Variants in ZNF827 observed in about 807,000 individuals in gnomAD.
The protein encoded by ZNF827 is zinc finger protein 827.
A neutral mutation model predicts 102.4 loss-of-function variants in ZNF827; 13 were observed. The observed-to-expected ratio is 0.13, with a 90% CI of 0.08 to 0.20. The LOEUF (loss-of-function observed/expected upper bound fraction) is 0.20. Ranked by LOEUF, ZNF827 falls within the 10% of genes least tolerant of loss-of-function variation. The probability of loss-of-function intolerance (pLI) is 1.00; values close to 1 mark genes in which losing one functional copy is unlikely to be tolerated. For synonymous variants in ZNF827, 523 were observed against 536.2 expected (o/e 0.98, Z 0.34); for missense variants, 1,103 against 1,344.4 (o/e 0.82, Z 2.81).
chr4:145,904,706 G>A (rs1198265386), intron 1 of ZNF827, among the ~76,000 whole-genome samples: 2 of 152,190 alleles, frequency 1.3e-5, no homozygotes, highest in Admixed American at 6.5e-5. Context: ...GTATGAGAGT[G>A]TGTATGCACG....
intron 4 of ZNF827, among the ~76,000 whole-genome samples, chr4:145,877,809 TAACA>T (rs1749273138): frequency 6.6e-6 from 1 of 152,148 alleles, no homozygotes; most frequent in African/African-American, 2.4e-5. Flanking sequence ...GTAACCCACT[TAACA>T]GACAGGATAT....
At chr4:145,926,950 TA>T (rs1753472243) in intron 1 of ZNF827, among the ~76,000 whole-genome samples, 1 of 151,968 alleles carries the variant, frequency 6.6e-6, no homozygotes, top group East Asian at 1.9e-4. Context: ...TCTCTTTCTA[TA>T]AATGTCACAA....
At chr4:145,860,419 C>A (rs1747584913) in intron 5 of ZNF827, among the ~76,000 whole-genome samples, 1 of 152,060 alleles carries the variant, frequency 6.6e-6, no homozygotes, top group Admixed American at 6.5e-5. Flanking sequence ...ATGTTTAGGG[C>A]AAGGGTGGGT....
At chr4:145,903,535 A>G (rs888735897) in intron 1 of ZNF827, among the ~76,000 whole-genome samples, 7 of 152,214 alleles carry the variant, frequency 4.6e-5, no homozygotes, top group Non-Finnish European at 2.9e-5. Flanking sequence ...GGGGAAATGG[A>G]AAGAAGCCTA....
intron 5 of ZNF827, among the ~76,000 whole-genome samples, chr4:145,860,156 T>C (rs1455724437): frequency 1.3e-5 from 2 of 152,182 alleles, no homozygotes; most frequent in Non-Finnish European, 2.9e-5. Context: ...TTACCAATAT[T>C]TGAATGTGCA....
intron 5 of ZNF827, among the ~76,000 whole-genome samples, chr4:145,863,663 T>C (rs1401442979): frequency 6.6e-6 from 1 of 150,512 alleles, no homozygotes; most frequent in Non-Finnish European, 1.5e-5. Context: ...ATTTCATTCA[T>C]ATGAAACGTC....
At chr4:145,921,404 C>G (rs1261990946) in intron 1 of ZNF827, among the ~76,000 whole-genome samples, 1 of 145,900 alleles carries the variant, frequency 6.9e-6, no homozygotes, top group East Asian at 2.0e-4. Flanking sequence ...GAAAGTCTGC[C>G]ATGGTGGCAG....
In ZNF827 at chr4:145,761,124, G is replaced by A; in HGVS notation, c.*492C>T. 2 of 1,289,632 alleles carry A rather than the reference G, an allele frequency of 1.6e-6. No individual in the cohort carries two copies. The highest frequency in any genetic ancestry group is 2.0e-6 in the Non-Finnish European group (2 of 988,718). The allele number at this position is 1,289,632 out of a possible 1,614,324, so 79.9% of individuals were successfully genotyped here. ...GGGAGCTCCCGACCACCAGGAGCGG[G>A]GCCCCCGGGCCGGCCGGTTCCTTGG... is the stretch of plus-strand genomic sequence containing the variant. On this transcript the variant is annotated 3_prime_UTR_variant, in exon 15 of 15. Coordinates refer to ENST00000508784, the MANE Select transcript of ZNF827 (RefSeq NM_001306215.2). The surrounding 1 kb of genome is among the most constrained non-coding windows in gnomAD (Gnocchi z 6.8).
intron 1 of ZNF827, among the ~76,000 whole-genome samples, chr4:145,937,870 A>C: frequency 1.6e-5 from 2 of 126,192 alleles, no homozygotes; most frequent in South Asian, 2.8e-4. Flanking sequence ...CGACACCCCC[A>C]AACGCCATGT....
At chr4:145,872,528 G>A (rs564329774) in intron 4 of ZNF827, among the ~76,000 whole-genome samples, 138 of 152,226 alleles carry the variant, frequency 9.1e-4, no homozygotes, top group African/African-American at 2.9e-3. Context: ...TTTGTTACGC[G>A]GTATTTAGTT....
chr4:145,823,080 C>T (rs1053193247), intron 8 of ZNF827, among the ~76,000 whole-genome samples: 3 of 152,144 alleles, frequency 2.0e-5, no homozygotes, highest in African/African-American at 7.2e-5. Flanking sequence ...CCACTGCCCT[C>T]CCCTATATTC....
chr4:145,765,710 T>G lies in ZNF827; in HGVS notation c.2889A>C (p.Ser963=), dbSNP rs1235839689. 9 of 1,614,128 alleles carry G rather than the reference T, an allele frequency of 5.6e-6. No homozygotes were observed. The highest frequency in any genetic ancestry group is 7.6e-6 in the Non-Finnish European group (9 of 1,179,994). Residue 963 remains serine, a synonymous_variant, in exon 12 of 15, where the codon TCA becomes TCC. Coordinates refer to ENST00000508784, the MANE Select transcript of ZNF827 (RefSeq NM_001306215.2). This position sits in a 1 kb window ranked among gnomAD's most constrained non-coding sequence, Gnocchi z 4.7. ...TGEDRKTPSE[S]NSPSSSSLSA... is the part of the protein sequence containing the mutation. ...AGAGGGAGGATGAAGAGGGGCTATTTGATTCGCTGGGGGTCTTCCTGTCTT... is the reference window on the plus strand; with the variant it reads ...AGAGGGAGGATGAAGAGGGGCTATTGGATTCGCTGGGGGTCTTCCTGTCTT...
chr4:145,879,855 C>T (rs1447024988), intron 4 of ZNF827, among the ~76,000 whole-genome samples: 1 of 152,172 alleles, frequency 6.6e-6, no homozygotes, highest in Non-Finnish European at 1.5e-5. Context: ...GAGCCGAGTT[C>T]CTGTTTTGCT....
At chr4:145,786,555 T>C (rs544964712) in intron 8 of ZNF827, among the ~76,000 whole-genome samples, 1 of 152,322 alleles carries the variant, frequency 6.6e-6, no homozygotes, top group Non-Finnish European at 1.5e-5. Context: ...AAACTGAAAT[T>C]CTGAAATCCT....
intron 1 of ZNF827, among the ~76,000 whole-genome samples, chr4:145,928,830 A>T (rs1283001673): frequency 1.3e-5 from 2 of 152,166 alleles, no homozygotes; most frequent in Non-Finnish European, 2.9e-5. Context: ...GAGGTAAGAT[A>T]CCTGAGGGAG....
At chr4:145,810,182 ACCAT>A (rs1741871130) in intron 8 of ZNF827, among the ~76,000 whole-genome samples, 1 of 152,196 alleles carries the variant, frequency 6.6e-6, no homozygotes, top group Non-Finnish European at 1.5e-5. Flanking sequence ...ATGGAATCAT[ACCAT>A]TCATGTGGAT....
chr4:145,809,903 A>C (rs1052969662), intron 8 of ZNF827, among the ~76,000 whole-genome samples: 1 of 152,346 alleles, frequency 6.6e-6, no homozygotes, highest in East Asian at 1.9e-4. Flanking sequence ...TGATAACTCC[A>C]GTCCTCCTGC....
intron 7 of ZNF827, among the ~76,000 whole-genome samples, chr4:145,840,516 G>A (rs1745302287): frequency 1.3e-5 from 2 of 152,218 alleles, no homozygotes; most frequent in Admixed American, 1.3e-4. Flanking sequence ...TTTGGAAATA[G>A]AATGCTCATT....
intron 1 of ZNF827, 137 bp downstream of exon 1, chr4:145,938,228 C>G (rs1429074047): frequency 3.9e-6 from 4 of 1,034,806 alleles, no homozygotes; most frequent in African/African-American, 1.6e-5. Flanking sequence ...CGAGGAGTAA[C>G]CCGGGCTGTG....
Sources: allele counts gnomAD v4.1 joint callset (sites outside exome capture counted in the v4.1 genomes callset), GRCh38; gene constraint gnomAD v4.1.1; non-coding constraint Gnocchi (gnomAD v3.1); transcripts MANE v1.5; gene names NCBI Gene and HGNC (gene_info 2026-07-23, HGNC 2026-07-21).